The following RNH1 variants were observed in gnomAD, a reference collection of about 807,000 sequenced individuals.
RNH1 encodes ribonuclease inhibitor.
Under a neutral mutation model 46.1 loss-of-function variants are expected in RNH1, and 38 were observed. That is an observed-to-expected ratio of 0.82 (90% CI 0.64 to 1.08). The LOEUF is 1.08. Ranked by LOEUF, RNH1 falls within the 50% of genes least tolerant of loss-of-function variation. RNH1 has a pLI of 0.00. For synonymous variants in RNH1, 319 were observed against 279.1 expected, an observed-to-expected ratio of 1.14 and a Z score of -1.43; for missense variants, 577 against 590.7, an observed-to-expected ratio of 0.98 and a Z score of 0.24.
chr11:498,606 A>G lies in RNH1; in HGVS notation c.807T>C (p.Thr269=). ...RTLWIWECGI[T]AKGCGDLCRV... ...GGCACAGATCCCCGCAGCCCTTGGC[A>G]GTGATGCCACACTCCCAGATCCTGC... The change falls in exon 8 of 11, where the codon ACT becomes ACC. Residue 269 remains threonine, a synonymous_variant. Transcript: ENST00000354420. 5 of 1,612,628 alleles carry G rather than the reference A, an allele frequency of 3.1e-6. No individual in the cohort carries two copies. The highest frequency in any genetic ancestry group is 4.2e-6 in the Non-Finnish European group (5 of 1,179,988).
In RNH1 at chr11:494,583, G is replaced by T; in HGVS notation, c.*108C>A. On this transcript the variant is annotated 3_prime_UTR_variant, in exon 11 of 11. Transcript: ENST00000354420. Reference sequence around the variant, plus strand: ...CTGGCAGAAATAAGCGGATCTGAGCGTTTCTCTTCAAACCTAGGATATGCA... The same window carrying T: ...CTGGCAGAAATAAGCGGATCTGAGCTTTTCTCTTCAAACCTAGGATATGCA... The T allele has an allele frequency of 2.2e-6, 2 of 925,316 alleles. No homozygotes were observed. The highest frequency in any genetic ancestry group is 2.6e-4 in the Middle Eastern group (1 of 3,786). 57.3% of individuals were successfully genotyped at this position (925,316 alleles called of 1,614,324 possible). A position where few individuals can be genotyped will look rare whatever the true frequency, so the allele number is the denominator to read the frequency against.
At position 498,920 on chromosome 11, in the gene RNH1, C is replaced by A. The variant is rs200822615; in HGVS notation, c.628G>T (p.Gly210Cys). The change falls in exon 7 of 11, where the codon GGT (glycine) becomes TGT (cysteine). Residue 210 changes from glycine to cysteine, a missense_variant. Gly to Cys is a radical substitution (Grantham distance 159, BLOSUM62 -3). Coordinates refer to ENST00000354420, the MANE Select transcript of RNH1 (RefSeq NM_203387.3). Reference sequence around the variant, plus strand: ...TCCCGGCAGTTGTCTGATGTCACACCGCAGCTCTCCAGCCTGGGGACACGG... The same window carrying A: ...TCCCGGCAGTTGTCTGATGTCACACAGCAGCTCTCCAGCCTGGGGACACGG... ...QLEALKLESC[G>C]VTSDNCRDLC... is the part of the protein sequence containing the mutation. 1 of 1,612,500 alleles carries A rather than the reference C, an allele frequency of 6.2e-7. No individual in the cohort carries two copies. The highest frequency in any genetic ancestry group is 1.1e-5 in the South Asian group (1 of 91,012).
chr11:502,967 G>C lies in RNH1; in HGVS notation c.-87-718C>G, dbSNP rs559557756. 6.6e-6 allele frequency: 1 copy of C among 152,324 alleles called. No individual in the cohort carries two copies. Among genetic ancestry groups the C allele is most frequent in the African/African-American group, 2.4e-5 (1 of 41,460 alleles). 9.4% of individuals were successfully genotyped at this position (152,324 alleles called of 1,614,324 possible). A position where few individuals can be genotyped will look rare whatever the true frequency, so the allele number is the denominator to read the frequency against. On this transcript the variant is annotated intron_variant, in intron 2 of 10. Coordinates refer to ENST00000354420, the MANE Select transcript of RNH1 (RefSeq NM_203387.3). The surrounding 1 kb of genome is among the most constrained non-coding windows in gnomAD (Gnocchi z 5.8). The stretch of plus-strand genomic sequence containing the variant: ...GAAGGAGGTTCCTGAGGCCCTGAGA[G>C]CACAGCTCAGGTACCCGCCAGGGGC...
chr11:498,413 C>T, intron 8 of RNH1, 44 bp downstream of exon 8: 1 of 1,602,414 alleles, frequency 6.2e-7, no homozygotes, highest in Non-Finnish European at 8.5e-7. Flanking sequence ...GTCACCCTGG[C>T]CCTCTCTTGG....
rs76149492 is a variant in RNH1 at position 498,402 on chromosome 11, G to T, written c.956+55C>A. Reference sequence around the variant, plus strand: ...CGCTCACTCCTCCCCTGGTCTCCTCGGTCACCCTGGCCCTCTCTTGGGCGA... The same window carrying T: ...CGCTCACTCCTCCCCTGGTCTCCTCTGTCACCCTGGCCCTCTCTTGGGCGA... On this transcript the variant is annotated intron_variant, in intron 8 of 10. Coordinates refer to ENST00000354420, the MANE Select transcript of RNH1 (RefSeq NM_203387.3). The T allele has an allele frequency of 4.9e-3, 7,846 of 1,592,586 alleles. 308 individuals are homozygous for T. The African/African-American group carries it at 0.09, about 18-fold the overall frequency.
chr11:499,844 C>A lies in RNH1; in HGVS notation c.428G>T (p.Arg143Leu), dbSNP rs145322972. 4.4e-6 allele frequency: 7 copies of A among 1,607,986 alleles called. No homozygotes were observed. Among genetic ancestry groups the A allele is most frequent in the Non-Finnish European group, 5.1e-6 (6 of 1,176,920 alleles). ...ACAAACTCACTGCAGCTTTTCCAGG[C>A]GGCACTGGGGGTCCAGGAGTCCTTC... ...LCEGLLDPQC[R>L]LEKLQLEYCS... Residue 143 changes from arginine to leucine, a missense_variant, in exon 5 of 11, where the codon CGC becomes CTC. Arg to Leu is a moderately radical substitution (Grantham distance 102). Transcript: ENST00000354420.
intron 9 of RNH1, 148 bp downstream of exon 9, chr11:497,823 A>G: frequency 1.1e-6 from 1 of 919,354 alleles, no homozygotes. Context: ...ATATGCTCAC[A>G]CACGTGCTCA....
At position 498,753 on chromosome 11, in the gene RNH1, G is replaced by A; in HGVS notation, c.785+10C>T. The A allele has an allele frequency of 6.3e-7, 1 of 1,594,056 alleles. No homozygotes were observed. The highest frequency in any genetic ancestry group is 1.1e-5 in the South Asian group (1 of 90,398). ...CCCTCCGGGAAGGAGGCCTCGCGGA[G>A]ATGACTCACCACAGGGTCCTGAGCC... is the stretch of plus-strand genomic sequence containing the variant. On this transcript the variant is annotated intron_variant, in intron 7 of 10. Transcript: ENST00000354420.
intron 3 of RNH1, chr11:500,893 C>T: frequency 1.6e-6 from 1 of 611,030 alleles, no homozygotes; most frequent in Non-Finnish European, 3.0e-6. Flanking sequence ...CTTTGGGAGG[C>T]CGAGGCAGGC....
Position 499,014 on chromosome 11 carries a change from C to T in RNH1, c.614+1G>A, listed in dbSNP as rs775424242. The T allele has an allele frequency of 6.2e-7, 1 of 1,612,976 alleles. No homozygotes were observed. Among genetic ancestry groups the T allele is most frequent in the Non-Finnish European group, 8.5e-7 (1 of 1,179,910 alleles). On this transcript the variant is annotated splice_donor_variant, in intron 6 of 10. Transcript: ENST00000354420. LOFTEE classifies it high-confidence loss of function. ...GCACCCCCCCAAGGCCCAGTGCCTACTTGAGCGCCTCCAGCTGGCAGGGGG... is the reference window on the plus strand; with the variant it reads ...GCACCCCCCCAAGGCCCAGTGCCTATTTGAGCGCCTCCAGCTGGCAGGGGG...
intron 9 of RNH1, among the ~76,000 whole-genome samples, chr11:495,813 G>A (rs914310426): frequency 3.3e-5 from 5 of 152,186 alleles, no homozygotes; most frequent in Non-Finnish European, 7.3e-5. Flanking sequence ...TCGGCCTGCA[G>A]GGCTCACTGT....
chr11:499,711 A>G, intron 5 of RNH1, 118 bp downstream of exon 5: 1 of 1,238,116 alleles, frequency 8.1e-7, no homozygotes, highest in Non-Finnish European at 1.2e-6. Flanking sequence ...GAGCACCACA[A>G]GGCCCCTGTG....
intron 1 of RNH1, chr11:506,673 G>A (rs1469077666): frequency 6.6e-6 from 1 of 152,340 alleles, no homozygotes; most frequent in Non-Finnish European, 1.5e-5. Flanking sequence ...TCCTTCCCGG[G>A]AGGCCGCTTC....
chr11:497,773 GCTCACT>G (rs1442215206), intron 9 of RNH1, among the ~76,000 whole-genome samples, 192 bp downstream of exon 9: 15 of 150,642 alleles, frequency 1.0e-4, no homozygotes, highest in African/African-American at 3.7e-4. Flanking sequence ...ACGGACACGT[GCTCACT>G]CTCACATGCT....
rs1021482863 is a variant in RNH1, at chr11:504,828, G to A, written c.-92C>T. 1 of 152,392 alleles carries A rather than the reference G, an allele frequency of 6.6e-6. No homozygotes were observed. Among genetic ancestry groups the A allele is most frequent in the African/African-American group, 2.4e-5 (1 of 41,576 alleles). The allele number at this position is 152,392 out of a possible 1,614,324, so 9.4% of individuals were successfully genotyped here. ...AAACAATAAAATAAAGCAAACCTGA[G>A]ACACCCCTTTTTGCTACCAGACTGG... On this transcript the variant is annotated 5_prime_UTR_variant, in exon 2 of 11. Transcript: ENST00000354420.
chr11:498,433 C>A, intron 8 of RNH1, 24 bp downstream of exon 8: 1 of 1,609,058 alleles, frequency 6.2e-7, no homozygotes, highest in African/African-American at 1.3e-5. Context: ...GGCGACAGGG[C>A]CCTGCCCCGA....
chr11:504,253 A>G (rs1200021188), intron 2 of RNH1, among the ~76,000 whole-genome samples: 1 of 152,212 alleles, frequency 6.6e-6, no homozygotes, highest in Non-Finnish European at 1.5e-5. Flanking sequence ...GCGACGCGCA[A>G]AAGTTCCCGG....
At chr11:500,697 C>A (rs975980415) in intron 3 of RNH1, 43 bp from the exon 4 acceptor site, 2 of 1,596,342 alleles carry the variant, frequency 1.3e-6, no homozygotes, top group African/African-American at 2.7e-5. Context: ...GCAGACAGCA[C>A]TGGCCTCAGC....
At chr11:506,896 A>C (rs1850321020) in intron 1 of RNH1, 1 of 152,212 alleles carries the variant, frequency 6.6e-6, no homozygotes, top group African/African-American at 2.4e-5. Context: ...AAGGCGCGCC[A>C]CGTCCGCCCG....
Sources: gnomAD v4.1 joint callset for allele counts (sites outside exome capture counted in the v4.1 genomes callset) on GRCh38, gnomAD v4.1.1 for gene constraint, Gnocchi (gnomAD v3.1) non-coding constraint, MANE v1.5 for transcripts, NCBI Gene and HGNC (gene_info 2026-07-23, HGNC 2026-07-21) for gene names.